The following USP40 variants were observed in gnomAD, a reference collection of about 807,000 sequenced individuals.
USP40 encodes ubiquitin carboxyl-terminal hydrolase 40.
A neutral mutation model predicts 166.2 loss-of-function variants in USP40; 143 were observed. The ratio of observed to expected loss-of-function variants is 0.86; its 90% CI spans 0.75 to 0.99. The LOEUF is 0.99. Among genes scored for constraint, USP40 ranks in the 50% least tolerant of loss-of-function variants. The pLI is 0.00. For synonymous variants in USP40, 498 were observed against 524.0 expected, an observed-to-expected ratio of 0.95 and a Z score of 0.68; for missense variants, 1,444 against 1,479.7, an observed-to-expected ratio of 0.98 and a Z score of 0.40.
At chr2:233,490,473 A>G (rs1222090573) in intron 26 of USP40, among the ~76,000 whole-genome samples, 2 of 152,166 alleles carry the variant, frequency 1.3e-5, no homozygotes, top group Non-Finnish European at 2.9e-5. Flanking sequence ...CACCCAGCCA[A>G]CATATGCTTT....
At chr2:233,554,187 T>C (rs1011554315) in intron 6 of USP40, 193 bp downstream of exon 6, 9 of 499,402 alleles carry the variant, frequency 1.8e-5, no homozygotes, top group Non-Finnish European at 2.8e-5. Flanking sequence ...GAAAAGGAAG[T>C]TGGGTGAACT....
chr2:233,510,227 G>A lies in USP40; in HGVS notation c.2527-92C>T, dbSNP rs116963421. 5,432 of 951,206 alleles carry A rather than the reference G, an allele frequency of 5.7e-3. 115 individuals are homozygous for A. In the East Asian group the frequency reaches 0.059, roughly 10 times the overall value. The allele number at this position is 951,206 out of a possible 1,614,324, so 58.9% of individuals were successfully genotyped here. A position where few individuals can be genotyped will look rare whatever the true frequency, so the allele number is the denominator to read the frequency against. On this transcript the variant is annotated intron_variant, in intron 20 of 31. Transcript: ENST00000678225. The stretch of plus-strand genomic sequence containing the variant: ...TACTTTCAAAAATGTAAAGCCAAGG[G>A]CCCATGAAACTTTAACAAAAAATCT...
intron 8 of USP40, among the ~76,000 whole-genome samples, chr2:233,543,998 A>T (rs1218234098): frequency 1.3e-5 from 2 of 152,176 alleles, no homozygotes; most frequent in Non-Finnish European, 2.9e-5. Flanking sequence ...TTCAATTCTG[A>T]CACTATCAGG....
chr2:233,528,065 A>G (rs1420473176), intron 12 of USP40, among the ~76,000 whole-genome samples: 1 of 149,222 alleles, frequency 6.7e-6, no homozygotes, highest in South Asian at 2.1e-4. Context: ...TACAACCTCT[A>G]CCTCCTAGGT....
Position 233,475,675 on chromosome 2 carries a change from G to C in USP40, c.*1717C>G, listed in dbSNP as rs566609359. On this transcript the variant is annotated 3_prime_UTR_variant, in exon 32 of 32. Transcript: ENST00000678225. ...CCCGGCCGCACGCGCCTGCTGGACG[G>C]CACTTCAGGGCACAACCCACACGCG... 302 of 152,518 alleles carry C rather than the reference G, an allele frequency of 2.0e-3. No individual in the cohort carries two copies. Among genetic ancestry groups the C allele is most frequent in the Non-Finnish European group, 3.5e-3 (239 of 68,050 alleles). 9.4% of individuals were successfully genotyped at this position (152,518 alleles called of 1,614,324 possible).
chr2:233,514,569 T>C (rs1353897256), intron 18 of USP40, among the ~76,000 whole-genome samples: 1 of 152,104 alleles, frequency 6.6e-6, no homozygotes, highest in Non-Finnish European at 1.5e-5. Context: ...TCTTGTAGGC[T>C]AGGTTAAGGA....
At chr2:233,527,329 C>T in intron 13 of USP40, 78 bp downstream of exon 13, 1 of 1,500,882 alleles carries the variant, frequency 6.7e-7, no homozygotes, top group African/African-American at 1.4e-5. Flanking sequence ...AAAGTTGTAT[C>T]CTAAACAGAA....
chr2:233,519,853 T>C (rs58330864), intron 17 of USP40, among the ~76,000 whole-genome samples, 182 bp from the exon 18 acceptor site: 4,693 of 152,216 alleles, frequency 0.031, 224 homozygotes, highest in African/African-American at 0.11. Context: ...AGCAAAAACT[T>C]AGGACTTCAT....
At position 233,541,606 on chromosome 2, in the gene USP40, A is replaced by G. The variant is rs140526173; in HGVS notation, c.1062+662T>C. Among the ~76,000 whole-genome samples, 373 of 152,378 alleles carry G rather than the reference A, an allele frequency of 2.4e-3. 2 individuals carry two copies. Among genetic ancestry groups the G allele is most frequent in the African/African-American group, 8.4e-3 (349 of 41,592 alleles). On this transcript the variant is annotated intron_variant, in intron 9 of 31. Transcript: ENST00000678225. ...GTCATGGCAGCCCTAGTAAATTCAT[A>G]CAATAGTCATAGATCAATATAATTA...
At chr2:233,481,584 C>T (rs560647603) in intron 30 of USP40, 5 of 438,130 alleles carry the variant, frequency 1.1e-5, no homozygotes, top group Middle Eastern at 6.5e-4. Context: ...AAAGGGCTAC[C>T]AGGCAACATG....
At chr2:233,514,542 G>A (rs1414979477) in intron 18 of USP40, among the ~76,000 whole-genome samples, 2 of 152,020 alleles carry the variant, frequency 1.3e-5, no homozygotes, top group African/African-American at 2.4e-5. Context: ...GTTAAGCAGG[G>A]GTCAAATTAT....
chr2:233,563,923 T>G (rs2071899830), intron 2 of USP40, among the ~76,000 whole-genome samples: 1 of 152,216 alleles, frequency 6.6e-6, no homozygotes, highest in African/African-American at 2.4e-5. Context: ...TTCACCATCT[T>G]CCTCAGTCCC....
At chr2:233,535,083 A>G (rs2068840922) in intron 10 of USP40, among the ~76,000 whole-genome samples, 1 of 152,198 alleles carries the variant, frequency 6.6e-6, no homozygotes, top group African/African-American at 2.4e-5. Context: ...AACAGATTTC[A>G]AGAAAAGGCA....
At chr2:233,499,780 C>G in intron 22 of USP40, 99 bp downstream of exon 22, 1 of 918,866 alleles carries the variant, frequency 1.1e-6, no homozygotes, top group Non-Finnish European at 1.7e-6. Flanking sequence ...TTTCTCCACA[C>G]CCTATAAATT....
At position 233,565,504 on chromosome 2, in the gene USP40, CT is replaced by C. The variant is rs1377249760; in HGVS notation, c.50del (p.Gln17ArgfsTer8). 6.5e-7 allele frequency: 1 copy of C among 1,537,272 alleles called. No homozygotes were observed. The highest frequency in any genetic ancestry group is 2.0e-5 in the Admixed American group (1 of 51,000). On this transcript the variant is annotated frameshift_variant, in exon 2 of 32. Coordinates refer to ENST00000678225, the MANE Select transcript of USP40 (RefSeq NM_001365479.2). LOFTEE classifies it high-confidence loss of function. Reference sequence around the variant, plus strand: ...TCTTTAATTTCTTCCCTTTTCCATACTGATTATTAGACACAGTGGAATACTC... The same window carrying C: ...TCTTTAATTTCTTCCCTTTTCCATACGATTATTAGACACAGTGGAATACTC... ...EEEYSTVSNN[Q>X]YGKGKKLKTK... is the part of the protein sequence containing the mutation.
intron 26 of USP40, 198 bp from the exon 27 acceptor site, chr2:233,489,681 C>T (rs904810771): frequency 1.9e-6 from 1 of 524,248 alleles, no homozygotes; most frequent in Non-Finnish European, 3.4e-6. Flanking sequence ...TCTTCATATT[C>T]CTCTGCACTG....
At chr2:233,544,643 C>T (rs1239565339) in intron 8 of USP40, among the ~76,000 whole-genome samples, 1 of 152,142 alleles carries the variant, frequency 6.6e-6, no homozygotes, top group East Asian at 1.9e-4. Flanking sequence ...CAGGAAGTTC[C>T]AAGGAGCTCT....
At chr2:233,528,768 A>G (rs912759053) in intron 12 of USP40, among the ~76,000 whole-genome samples, 39 of 152,062 alleles carry the variant, frequency 2.6e-4, no homozygotes, top group African/African-American at 9.2e-4. Context: ...CCTGTCACAT[A>G]ATCAGGCAGT....
intron 3 of USP40, chr2:233,560,799 A>AT (rs924695944): frequency 1.7e-3 from 754 of 455,634 alleles, no homozygotes; most frequent in South Asian, 3.0e-3. Flanking sequence ...ACTAGCCTCT[A>AT]TTTTTTTTTG....
Sources: allele counts gnomAD v4.1 joint callset (sites outside exome capture counted in the v4.1 genomes callset), GRCh38; gene constraint gnomAD v4.1.1; transcripts MANE v1.5; gene names NCBI Gene and HGNC (gene_info 2026-07-23, HGNC 2026-07-21).